LRFN2: variants seen among roughly 807,000 people sequenced by gnomAD.
The protein encoded by LRFN2 is leucine-rich repeat and fibronectin type-III domain-containing protein 2.
A neutral mutation model predicts 37.3 loss-of-function variants in LRFN2; 18 were observed. That is an observed-to-expected ratio of 0.48 (90% CI 0.33 to 0.72). LRFN2 has a LOEUF of 0.72. Among genes scored for constraint, LRFN2 ranks in the 30% least tolerant of loss-of-function variants. The pLI is 0.02. For missense variants in LRFN2, 1,006 were observed against 1,060.7 expected (o/e 0.95, Z 0.72); for synonymous variants, 556 against 466.6 (o/e 1.19, Z -2.47).
intron 1 of LRFN2, among the ~76,000 whole-genome samples, chr6:40,468,688 G>A (rs1240919759): frequency 6.6e-6 from 1 of 151,648 alleles, no homozygotes; most frequent in African/African-American, 2.4e-5. Flanking sequence ...GGTGCTGAAG[G>A]AGCATGGGGG....
chr6:40,396,621 C>A (rs1581673935), intron 2 of LRFN2, among the ~76,000 whole-genome samples: 1 of 151,618 alleles, frequency 6.6e-6, no homozygotes, highest in Non-Finnish European at 1.5e-5. Context: ...AGAAACAAGG[C>A]CAGCAGGAAA....
intron 1 of LRFN2, among the ~76,000 whole-genome samples, chr6:40,477,602 C>T (rs1187427940): frequency 6.6e-6 from 1 of 152,194 alleles, no homozygotes; most frequent in Non-Finnish European, 1.5e-5. Context: ...AGCACATCAC[C>T]TGCTTTCCCA....
intron 1 of LRFN2, among the ~76,000 whole-genome samples, chr6:40,582,864 T>C (rs2113801416): frequency 6.6e-6 from 1 of 152,312 alleles, no homozygotes; most frequent in East Asian, 1.9e-4. Context: ...AGCCTTGTGT[T>C]CTTGGGCAGT....
intron 1 of LRFN2, among the ~76,000 whole-genome samples, chr6:40,498,613 G>T (rs1209566364): frequency 6.6e-6 from 1 of 152,156 alleles, no homozygotes; most frequent in Non-Finnish European, 1.5e-5. Flanking sequence ...TCACACATAT[G>T]ATCTCATGTG....
intron 1 of LRFN2, among the ~76,000 whole-genome samples, chr6:40,527,462 A>G (rs1445916822): frequency 6.6e-6 from 1 of 152,226 alleles, no homozygotes; most frequent in Non-Finnish European, 1.5e-5. Flanking sequence ...AAGGGGTCGG[A>G]CCAGAATTTC....
intron 1 of LRFN2, among the ~76,000 whole-genome samples, chr6:40,473,065 C>T (rs1764635803): frequency 6.6e-6 from 1 of 152,190 alleles, no homozygotes. Flanking sequence ...CGGGATCCAG[C>T]TCACATCTCT....
At chr6:40,489,142 A>G (rs1581744298) in intron 1 of LRFN2, among the ~76,000 whole-genome samples, 1 of 152,096 alleles carries the variant, frequency 6.6e-6, no homozygotes. Flanking sequence ...AAGCAGGCAC[A>G]CCCCACCCTG....
chr6:40,536,589 G>T (rs1380223008), intron 1 of LRFN2, among the ~76,000 whole-genome samples: 1 of 152,162 alleles, frequency 6.6e-6, no homozygotes, highest in Non-Finnish European at 1.5e-5. Flanking sequence ...GAAATGAGGA[G>T]CCTGTTTTGG....
chr6:40,414,224 G>C (rs1036647857), intron 2 of LRFN2, among the ~76,000 whole-genome samples: 1 of 152,288 alleles, frequency 6.6e-6, no homozygotes, highest in Middle Eastern at 3.4e-3. Flanking sequence ...GGCTATGAAG[G>C]TGCCTGGTGC....
intron 1 of LRFN2, among the ~76,000 whole-genome samples, chr6:40,492,334 G>T (rs972430343): frequency 2.6e-5 from 4 of 152,050 alleles, no homozygotes; most frequent in Admixed American, 2.6e-4. Context: ...CTTCCTGCTC[G>T]GCTGTCCCCG....
intron 1 of LRFN2, among the ~76,000 whole-genome samples, chr6:40,473,153 CA>C (rs1469808904): frequency 6.6e-6 from 1 of 152,124 alleles, no homozygotes; most frequent in Admixed American, 6.5e-5. Context: ...AGCCAAACTC[CA>C]GGGCCCCACT....
intron 2 of LRFN2, among the ~76,000 whole-genome samples, chr6:40,430,164 G>T (rs1391502438): frequency 6.6e-6 from 1 of 152,164 alleles, no homozygotes; most frequent in African/African-American, 2.4e-5. Flanking sequence ...TTCCGATGCT[G>T]CTTTCTCTCC....
chr6:40,548,961 A>G (rs1265047505), intron 1 of LRFN2, among the ~76,000 whole-genome samples: 3 of 152,248 alleles, frequency 2.0e-5, no homozygotes, highest in African/African-American at 7.2e-5. Context: ...TTTAAAAGTT[A>G]GATCAAACTG....
At chr6:40,413,005 A>T (rs1763007007) in intron 2 of LRFN2, among the ~76,000 whole-genome samples, 1 of 152,082 alleles carries the variant, frequency 6.6e-6, no homozygotes, top group Non-Finnish European at 1.5e-5. Context: ...AAGGTCAATG[A>T]TTCCCAGCAC....
intron 2 of LRFN2, among the ~76,000 whole-genome samples, chr6:40,395,640 C>G (rs1430099495): frequency 2.6e-5 from 4 of 152,174 alleles, no homozygotes; most frequent in African/African-American, 9.7e-5. Context: ...GAGCAAACAC[C>G]AGCTGGTAAC....
chr6:40,463,825 C>T (rs756062655), intron 1 of LRFN2, among the ~76,000 whole-genome samples: 1 of 151,940 alleles, frequency 6.6e-6, no homozygotes, highest in African/African-American at 2.4e-5. Flanking sequence ...TACAGGCATG[C>T]ACCACCGTGC....
chr6:40,432,169 G>T lies in LRFN2; in HGVS notation c.945C>A (p.Asp315Glu). 3 of 1,613,806 alleles carry T rather than the reference G, an allele frequency of 1.9e-6. No homozygotes were observed. The highest frequency in any genetic ancestry group is 1.1e-5 in the South Asian group (1 of 91,076). The part of the protein sequence containing the change: ...AATLKCKAIG[D>E]PSPLIHWVAP... Reference sequence around the variant, plus strand: ...CTACCCAGTGGATAAGGGGGCTGGGGTCCCCAATGGCTTTGCACTTGAGTG... The same window carrying T: ...CTACCCAGTGGATAAGGGGGCTGGGTTCCCCAATGGCTTTGCACTTGAGTG... The change falls in exon 2 of 3, where the codon GAC becomes GAA. Residue 315 changes from aspartate to glutamate, a missense_variant. Asp to Glu is a conservative substitution (Grantham distance 45). Transcript: ENST00000338305.
rs532189325 is a variant in LRFN2 at position 40,439,532 on chromosome 6, G to T, written c.-18-6401C>A. On this transcript the variant is annotated intron_variant, in intron 1 of 2. Coordinates refer to ENST00000338305, the MANE Select transcript of LRFN2 (RefSeq NM_020737.3). ...CAGAAACATGCTGCTTTTCTGATTTGGGAGTTGCTGGGGGTGAATGCTGCC... is the reference window on the plus strand; with the variant it reads ...CAGAAACATGCTGCTTTTCTGATTTTGGAGTTGCTGGGGGTGAATGCTGCC... Among the ~76,000 whole-genome samples the T allele has an allele frequency of 1.5e-3, 232 of 152,286 alleles. 3 individuals are homozygous for T. The highest frequency in any genetic ancestry group is 2.0e-3 in the Non-Finnish European group (137 of 68,018).
At chr6:40,563,208 CT>C (rs1447733171) in intron 1 of LRFN2, among the ~76,000 whole-genome samples, 1 of 152,174 alleles carries the variant, frequency 6.6e-6, no homozygotes, top group African/African-American at 2.4e-5. Flanking sequence ...CCTCTCTCCG[CT>C]CTGCTCTGGA....
Sources: gnomAD v4.1 joint callset for allele counts (sites outside exome capture counted in the v4.1 genomes callset) on GRCh38, gnomAD v4.1.1 for gene constraint, MANE v1.5 for transcripts, NCBI Gene and HGNC (gene_info 2026-07-23, HGNC 2026-07-21) for gene names.